SLC25A21: variants seen among roughly 807,000 people sequenced by gnomAD.
The protein encoded by SLC25A21 is mitochondrial 2-oxodicarboxylate carrier.
In SLC25A21, 47 loss-of-function variants were observed where a neutral mutation model predicts 43.8. The observed-to-expected ratio is 1.07, with a 90% CI of 0.85 to 1.37. The LOEUF is 1.37. Ranked by LOEUF, SLC25A21 falls within the 40% of genes most tolerant of loss-of-function variation. The pLI is 0.00. For missense variants in SLC25A21, 352 were observed against 350.2 expected (o/e 1.00, Z -0.04); for synonymous variants, 131 against 121.3 (o/e 1.08, Z -0.52).
intron 6 of SLC25A21, among the ~76,000 whole-genome samples, chr14:36,714,942 T>C (rs1344513326): frequency 6.6e-6 from 1 of 152,172 alleles, no homozygotes; most frequent in African/African-American, 2.4e-5. Flanking sequence ...CTCAGCAACC[T>C]TGTAATGTGG....
In SLC25A21 at chr14:36,946,907, AT is replaced by A. The variant is rs536778193; in HGVS notation, c.71-71904del. ...ATATGTGTTTATCTGGCATAATATT[AT>A]AGTATTTTTTCAGTCTGTCTTGTAG... On this transcript the variant is annotated intron_variant, in intron 1 of 9. Transcript: ENST00000331299. Among the ~76,000 whole-genome samples, 24 of 152,292 alleles carry A rather than the reference AT, an allele frequency of 1.6e-4. 1 individual carries two copies. The South Asian group carries it at 4.8e-3, about 30-fold the overall frequency.
At chr14:37,026,107 C>T (rs1036583696) in intron 1 of SLC25A21, among the ~76,000 whole-genome samples, 1 of 152,176 alleles carries the variant, frequency 6.6e-6, no homozygotes, top group Non-Finnish European at 1.5e-5. Flanking sequence ...CAATCTTCAA[C>T]TAGCTTTCCC....
At chr14:36,685,439 G>C (rs1882494258) in intron 7 of SLC25A21, among the ~76,000 whole-genome samples, 1 of 152,170 alleles carries the variant, frequency 6.6e-6, no homozygotes, top group Admixed American at 6.5e-5. Flanking sequence ...TTCACGTGTA[G>C]CTGATCCACT....
intron 1 of SLC25A21, among the ~76,000 whole-genome samples, chr14:37,096,532 T>A (rs1487000276): frequency 6.6e-6 from 1 of 152,212 alleles, no homozygotes; most frequent in East Asian, 1.9e-4. Flanking sequence ...ATTTTCTAGA[T>A]CTTGTAAACA....
At chr14:37,102,689 T>C (rs17178674) in intron 1 of SLC25A21, among the ~76,000 whole-genome samples, 4,919 of 151,922 alleles carry the variant, frequency 0.032, 125 homozygotes, top group Middle Eastern at 0.061. Context: ...TCTCAGAAAG[T>C]AGTTAGTCAA....
At position 36,690,214 on chromosome 14, in the gene SLC25A21, CA is replaced by C. The variant is rs566882669; in HGVS notation, c.604-5290del. Among the ~76,000 whole-genome samples the C allele has an allele frequency of 6.1e-4, 93 of 152,128 alleles. 1 individual carries two copies. Among genetic ancestry groups the C allele is most frequent in the Admixed American group, 2.9e-3 (44 of 15,276 alleles). ...AATTAATAGCAAAAGTAAATAGCAA[CA>C]AAAATTGCTATACATGTTATAATAT... is the stretch of plus-strand genomic sequence containing the variant. On this transcript the variant is annotated intron_variant, in intron 7 of 9. Coordinates refer to ENST00000331299, the MANE Select transcript of SLC25A21 (RefSeq NM_030631.4).
chr14:37,007,770 T>A (rs1432272976), intron 1 of SLC25A21, among the ~76,000 whole-genome samples: 1 of 152,110 alleles, frequency 6.6e-6, no homozygotes, highest in East Asian at 1.9e-4. Context: ...ATTTTTTCAG[T>A]GAAAGCATGA....
chr14:36,721,534 G>A (rs960939330), intron 6 of SLC25A21, among the ~76,000 whole-genome samples: 17 of 152,226 alleles, frequency 1.1e-4, no homozygotes, highest in African/African-American at 3.6e-4. Flanking sequence ...GGTAAAAAGT[G>A]TAATGAGAAC....
chr14:37,135,524 A>T (rs368209142), intron 1 of SLC25A21, among the ~76,000 whole-genome samples: 1 of 152,212 alleles, frequency 6.6e-6, no homozygotes, highest in Non-Finnish European at 1.5e-5. Flanking sequence ...CACCATGTCC[A>T]GCAGAAAAAC....
chr14:37,098,805 A>ATAGATAGATAGAT (rs1555346903), intron 1 of SLC25A21, among the ~76,000 whole-genome samples: 1 of 129,544 alleles, frequency 7.7e-6, no homozygotes, highest in African/African-American at 3.8e-5. Flanking sequence ...AGATAGATAG[A>ATAGATAGATAGAT]TTTTTTTTTT....
chr14:37,061,271 G>A (rs1245753646), intron 1 of SLC25A21, among the ~76,000 whole-genome samples: 1 of 152,098 alleles, frequency 6.6e-6, no homozygotes, highest in Non-Finnish European at 1.5e-5. Flanking sequence ...TGACACCAAC[G>A]AACAGCAACT....
chr14:37,134,177 T>C (rs1367756042), intron 1 of SLC25A21, among the ~76,000 whole-genome samples: 3 of 152,118 alleles, frequency 2.0e-5, no homozygotes, highest in African/African-American at 7.2e-5. Flanking sequence ...GTATACAAAA[T>C]AGAATAAAGA....
chr14:36,855,691 G>A (rs1889876475), intron 2 of SLC25A21, among the ~76,000 whole-genome samples: 1 of 152,170 alleles, frequency 6.6e-6, no homozygotes, highest in Admixed American at 6.5e-5. Flanking sequence ...ACACGCTCAA[G>A]TTTGAGAATC....
intron 1 of SLC25A21, among the ~76,000 whole-genome samples, chr14:36,905,885 A>C (rs1891520581): frequency 6.6e-6 from 1 of 152,198 alleles, no homozygotes; most frequent in Admixed American, 6.5e-5. Flanking sequence ...AGTTATATAC[A>C]AATGGAAAAA....
intron 3 of SLC25A21, among the ~76,000 whole-genome samples, chr14:36,762,865 ACAAAG>A (rs1367147023): frequency 1.3e-5 from 2 of 152,226 alleles, no homozygotes; most frequent in Non-Finnish European, 2.9e-5. Context: ...TCTCTCTAGC[ACAAAG>A]CAGAGTTTAA....
intron 1 of SLC25A21, among the ~76,000 whole-genome samples, chr14:36,966,684 G>T (rs1423027676): frequency 6.6e-6 from 1 of 152,170 alleles, no homozygotes. Flanking sequence ...CTGTGCAAGG[G>T]TTTCTTGAAC....
At chr14:37,092,330 T>C (rs1369844581) in intron 1 of SLC25A21, among the ~76,000 whole-genome samples, 2 of 152,152 alleles carry the variant, frequency 1.3e-5, no homozygotes, top group Admixed American at 6.5e-5. Context: ...TGAATGCACA[T>C]TACAGCCAAT....
intron 1 of SLC25A21, among the ~76,000 whole-genome samples, chr14:36,941,181 GATC>G (rs1892547950): frequency 6.6e-6 from 1 of 151,972 alleles, no homozygotes; most frequent in Non-Finnish European, 1.5e-5. Flanking sequence ...CAATGCATGT[GATC>G]AGGGACAGCA....
At chr14:37,008,984 T>A (rs1040808891) in intron 1 of SLC25A21, among the ~76,000 whole-genome samples, 1 of 152,136 alleles carries the variant, frequency 6.6e-6, no homozygotes, top group African/African-American at 2.4e-5. Flanking sequence ...AGAAAGTGCA[T>A]GGGAATAAAT....
Sources: gnomAD v4.1 joint callset for allele counts (sites outside exome capture counted in the v4.1 genomes callset) on GRCh38, gnomAD v4.1.1 for gene constraint, MANE v1.5 for transcripts, NCBI Gene and HGNC (gene_info 2026-07-23, HGNC 2026-07-21) for gene names.